C8orf34: variants seen among roughly 807,000 people sequenced by gnomAD.
C8orf34 encodes chromosome 8 open reading frame 34.
Under a neutral mutation model 68.3 loss-of-function variants are expected in C8orf34, and 65 were observed. The observed-to-expected ratio is 0.95, with a 90% CI of 0.78 to 1.17. The LOEUF (loss-of-function observed/expected upper bound fraction) is 1.17, where lower values mean the gene tolerates loss of function less well. Among genes scored for constraint, C8orf34 ranks in the 50% most tolerant of loss-of-function variants. The probability of loss-of-function intolerance (pLI) is 0.00; values close to 1 mark genes in which losing one functional copy is unlikely to be tolerated. For synonymous variants in C8orf34, 244 were observed against 241.2 expected, an observed-to-expected ratio of 1.01 and a Z score of -0.11; for missense variants, 664 against 655.4, an observed-to-expected ratio of 1.01 and a Z score of -0.14.
intron 13 of C8orf34, among the ~76,000 whole-genome samples, chr8:68,817,763 G>A (rs560966561): frequency 3.9e-5 from 6 of 152,192 alleles, no homozygotes; most frequent in African/African-American, 1.4e-4. Context: ...GCATGGCTGG[G>A]GAGACCTCAG....
chr8:68,602,631 A>C (rs757456280), intron 7 of C8orf34, among the ~76,000 whole-genome samples: 45 of 152,092 alleles, frequency 3.0e-4, no homozygotes, highest in Non-Finnish European at 5.1e-4. Context: ...TTGGGTGGGG[A>C]AACAGCCAAA....
chr8:68,747,787 T>G (rs926004522), intron 10 of C8orf34, among the ~76,000 whole-genome samples: 20 of 151,032 alleles, frequency 1.3e-4, no homozygotes, highest in African/African-American at 2.9e-4. Flanking sequence ...GAAGAATCAA[T>G]ATCGTGAAAA....
intron 7 of C8orf34, among the ~76,000 whole-genome samples, chr8:68,598,897 T>C (rs1221125650): frequency 6.6e-6 from 1 of 152,104 alleles, no homozygotes; most frequent in East Asian, 1.9e-4. Context: ...ATGTGCTCTA[T>C]AAAAGACAGG....
At chr8:68,529,362 C>G (rs569694859) in intron 6 of C8orf34, among the ~76,000 whole-genome samples, 1 of 152,182 alleles carries the variant, frequency 6.6e-6, no homozygotes, top group Non-Finnish European at 1.5e-5. Flanking sequence ...TCTTACTTGA[C>G]CAAACAGCAG....
chr8:68,522,970 A>G (rs1331492010), intron 6 of C8orf34, among the ~76,000 whole-genome samples: 2 of 152,208 alleles, frequency 1.3e-5, no homozygotes, highest in Admixed American at 6.5e-5. Flanking sequence ...ATTTTCTACA[A>G]TGTAATAGCT....
At chr8:68,719,029 G>A (rs1440981467) in intron 9 of C8orf34, among the ~76,000 whole-genome samples, 1 of 152,046 alleles carries the variant, frequency 6.6e-6, no homozygotes, top group Non-Finnish European at 1.5e-5. Context: ...AAAAGAAATT[G>A]CTCTGGAATA....
chr8:68,484,740 G>A (rs769322875), intron 4 of C8orf34, among the ~76,000 whole-genome samples: 6 of 151,982 alleles, frequency 3.9e-5, no homozygotes, highest in South Asian at 2.1e-4. Flanking sequence ...TCTGTGAAGC[G>A]TTTCATTAAA....
intron 8 of C8orf34, among the ~76,000 whole-genome samples, chr8:68,641,833 T>C (rs1329963890): frequency 6.6e-6 from 1 of 152,230 alleles, no homozygotes; most frequent in Non-Finnish European, 1.5e-5. Flanking sequence ...ATATATAGAC[T>C]GTAAATCACA....
intron 3 of C8orf34, among the ~76,000 whole-genome samples, chr8:68,452,641 G>T (rs555323082): frequency 2.7e-5 from 4 of 149,782 alleles, no homozygotes; most frequent in Non-Finnish European, 5.9e-5. Flanking sequence ...AGTTATGAGA[G>T]TTTTTTGTAT....
intron 13 of C8orf34, among the ~76,000 whole-genome samples, chr8:68,816,171 A>G (rs912146089): frequency 6.7e-6 from 1 of 149,702 alleles, no homozygotes; most frequent in Non-Finnish European, 1.5e-5. Context: ...CATGTTCTAT[A>G]GGTTTTGGAG....
chr8:68,685,593 T>A (rs1184008296), intron 8 of C8orf34, among the ~76,000 whole-genome samples: 2 of 152,090 alleles, frequency 1.3e-5, no homozygotes, highest in African/African-American at 4.8e-5. Context: ...TGGTGGCTCA[T>A]GCCTGTAATT....
intron 10 of C8orf34, among the ~76,000 whole-genome samples, chr8:68,758,059 G>A (rs913017487): frequency 2.6e-5 from 4 of 152,200 alleles, no homozygotes; most frequent in Admixed American, 6.5e-5. Flanking sequence ...TATTTACTGC[G>A]TGCCTGCTGT....
At chr8:68,515,420 A>G (rs1290776815) in intron 5 of C8orf34, among the ~76,000 whole-genome samples, 1 of 150,390 alleles carries the variant, frequency 6.6e-6, no homozygotes, top group African/African-American at 2.4e-5. Context: ...CATCTTCACC[A>G]CTTAAGTGTG....
At chr8:68,756,755 C>T (rs1484334134) in intron 10 of C8orf34, among the ~76,000 whole-genome samples, 1 of 151,980 alleles carries the variant, frequency 6.6e-6, no homozygotes, top group African/African-American at 2.4e-5. Context: ...TACACGAAAA[C>T]ATGCCAAAAA....
At chr8:68,481,062 AG>A (rs1366181440) in intron 4 of C8orf34, among the ~76,000 whole-genome samples, 1 of 152,190 alleles carries the variant, frequency 6.6e-6, no homozygotes, top group Non-Finnish European at 1.5e-5. Flanking sequence ...ACAGGCCTAG[AG>A]GCCCAGGAGG....
chr8:68,500,716 A>G (rs571798475), intron 5 of C8orf34, among the ~76,000 whole-genome samples: 7 of 152,324 alleles, frequency 4.6e-5, no homozygotes, highest in Admixed American at 1.3e-4. Flanking sequence ...GTCAACCAAA[A>G]TAGTAATTCA....
chr8:68,779,625 C>T (rs1823619499), intron 11 of C8orf34, among the ~76,000 whole-genome samples: 2 of 151,958 alleles, frequency 1.3e-5, no homozygotes, highest in Admixed American at 1.3e-4. Flanking sequence ...ACTTTGGATG[C>T]CAGTTTTGGC....
intron 1 of C8orf34, among the ~76,000 whole-genome samples, chr8:68,370,967 A>C (rs1807534218): frequency 6.6e-6 from 1 of 152,030 alleles, no homozygotes; most frequent in Non-Finnish European, 1.5e-5. Flanking sequence ...CTGGTATCTG[A>C]CTCTTAAAAA....
chr8:68,719,604 A>G (rs761058058), intron 9 of C8orf34, among the ~76,000 whole-genome samples: 10 of 151,940 alleles, frequency 6.6e-5, no homozygotes, highest in Non-Finnish European at 1.5e-4. Context: ...AATATACAAT[A>G]CAATAAATGT....
Sources: gnomAD v4.1 joint callset for allele counts (sites outside exome capture counted in the v4.1 genomes callset) on GRCh38, gnomAD v4.1.1 for gene constraint, MANE v1.5 for transcripts, NCBI Gene and HGNC (gene_info 2026-07-23, HGNC 2026-07-21) for gene names.